The following SPAG9 variants were observed in gnomAD, a reference collection of about 807,000 sequenced individuals.
SPAG9 encodes C-Jun-amino-terminal kinase-interacting protein 4.
Under a neutral mutation model 166.5 loss-of-function variants are expected in SPAG9, and 35 were observed. The observed-to-expected ratio is 0.21, with a 90% CI of 0.16 to 0.28. The LOEUF is 0.28. Among genes scored for constraint, SPAG9 ranks in the 10% least tolerant of loss-of-function variants. The probability of loss-of-function intolerance (pLI) is 1.00; values close to 1 mark genes in which losing one functional copy is unlikely to be tolerated. For missense variants in SPAG9, 1,235 were observed against 1,603.3 expected (o/e 0.77, Z 3.92); for synonymous variants, 534 against 565.5 (o/e 0.94, Z 0.79).
In SPAG9 at chr17:51,120,668, G is replaced by A. The variant is rs1157811703; in HGVS notation, c.-12C>T. On this transcript the variant is annotated 5_prime_UTR_variant, in exon 1 of 30. Coordinates refer to ENST00000262013, the MANE Select transcript of SPAG9 (RefSeq NM_001130528.3). This position sits in a 1 kb window ranked among gnomAD's most constrained non-coding sequence, Gnocchi z 4.7. ...TCCTCCAGCTCCATGGTGGCAAGCG[G>A]ACGGGCGGGCGGCCCGGGGCGTCGC... is the stretch of plus-strand genomic sequence containing the variant. 10 of 1,566,648 alleles carry A rather than the reference G, an allele frequency of 6.4e-6. No homozygotes were observed. The highest frequency in any genetic ancestry group is 1.4e-5 in the African/African-American group (1 of 73,430).
At chr17:51,029,446 A>G (rs1211405653) in intron 6 of SPAG9, among the ~76,000 whole-genome samples, 4 of 152,222 alleles carry the variant, frequency 2.6e-5, no homozygotes, top group African/African-American at 4.8e-5. Flanking sequence ...ATCATCCAGC[A>G]ATCTCACTTC....
intron 4 of SPAG9, among the ~76,000 whole-genome samples, chr17:51,042,836 T>G (rs1362780924): frequency 6.6e-6 from 1 of 152,124 alleles, no homozygotes; most frequent in East Asian, 1.9e-4. Context: ...GAAATAAAAT[T>G]TAAAAACAGA....
chr17:51,005,982 AG>A (rs1320279976), intron 11 of SPAG9, 102 bp downstream of exon 11: 32 of 1,365,046 alleles, frequency 2.3e-5, no homozygotes, highest in Non-Finnish European at 3.1e-5. Context: ...TTGGCCTTCC[AG>A]GCTTGAGTGG....
At chr17:51,031,826 T>C in intron 5 of SPAG9, 104 bp from the exon 6 acceptor site, 2 of 824,132 alleles carry the variant, frequency 2.4e-6, no homozygotes, top group Non-Finnish European at 4.1e-6. Flanking sequence ...ACAAGATTCA[T>C]CTATTATCTA....
At position 50,998,629 on chromosome 17, in the gene SPAG9, C is replaced by T. The variant is rs1166418279; in HGVS notation, c.1665-12G>A. The T allele has an allele frequency of 1.2e-6, 2 of 1,613,322 alleles. No homozygotes were observed. ...AAAGTCGGCTGAAACTAAAAGAAGACAGTATGTCTGTGTGTCACATGTACT... is the reference window on the plus strand; with the variant it reads ...AAAGTCGGCTGAAACTAAAAGAAGATAGTATGTCTGTGTGTCACATGTACT... On this transcript the variant is annotated splice_polypyrimidine_tract_variant and intron_variant, in intron 14 of 29. Coordinates refer to ENST00000262013, the MANE Select transcript of SPAG9 (RefSeq NM_001130528.3).
chr17:51,040,701 T>C (rs1257971791), intron 5 of SPAG9, among the ~76,000 whole-genome samples: 5 of 152,298 alleles, frequency 3.3e-5, no homozygotes, highest in South Asian at 2.1e-4. Flanking sequence ...TTTAGAAGCA[T>C]TGTTAAGAGC....
At chr17:51,085,370 G>C (rs373255543) in intron 1 of SPAG9, 103 of 152,240 alleles carry the variant, frequency 6.8e-4, no homozygotes, top group African/African-American at 2.4e-3. Flanking sequence ...TTCAGAAGAT[G>C]GATACCACAG....
chr17:50,990,419 T>C, intron 20 of SPAG9, 31 bp downstream of exon 20: 4 of 1,481,978 alleles, frequency 2.7e-6, no homozygotes, highest in Non-Finnish European at 3.8e-6. Context: ...TTAGACTCTA[T>C]ACAGATGGCA....
rs1420200477 is a variant in SPAG9 at position 50,995,471 on chromosome 17, A to G, written c.2031T>C (p.Pro677=). The part of the protein sequence containing the change: ...KNLPVPVYLR[P]LDEKDTSMKL... The stretch of plus-strand genomic sequence containing the variant: ...TCATTGATGTATCTTTTTCATCCAG[A>G]GGTCTGAGATAGACAGGCACAGGTA... The change falls in exon 17 of 30, where the codon CCT becomes CCC. Residue 677 remains proline, a synonymous_variant. Coordinates refer to ENST00000262013, the MANE Select transcript of SPAG9 (RefSeq NM_001130528.3). 6.2e-6 allele frequency: 10 copies of G among 1,609,698 alleles called. No individual in the cohort carries two copies. The highest frequency in any genetic ancestry group is 8.5e-6 in the Non-Finnish European group (10 of 1,176,230).
At position 50,982,685 on chromosome 17, in the gene SPAG9, T is replaced by C. The variant is rs528094328; in HGVS notation, c.3089-13A>G. The C allele has an allele frequency of 6.3e-7, 1 of 1,596,336 alleles. No homozygotes were observed. Among genetic ancestry groups the C allele is most frequent in the Non-Finnish European group, 8.5e-7 (1 of 1,174,006 alleles). ...TCCCACTGCCCATCTTTAAAAAAAA[T>C]AAAAGGTTATAGTAAATACATACCA... On this transcript the variant is annotated splice_polypyrimidine_tract_variant and intron_variant, in intron 24 of 29. Transcript: ENST00000262013.
Position 50,995,499 on chromosome 17 carries a change from T to C in SPAG9, c.2003A>G (p.Asn668Ser). The C allele has an allele frequency of 6.2e-7, 1 of 1,611,724 alleles. No individual in the cohort carries two copies. Among genetic ancestry groups the C allele is most frequent in the South Asian group, 1.1e-5 (1 of 90,996 alleles). The change falls in exon 17 of 30, where the codon AAT (asparagine) becomes AGT (serine). Residue 668 changes from asparagine (N) to serine (S), a missense_variant. This residue lies in a region of SPAG9 where 493 missense variants were observed against 559.4 expected (regional missense o/e 0.88). Transcript: ENST00000262013. ...TNGQGENKMK[N>S]LPVPVYLRPL... is the part of the protein sequence containing the mutation. ...TCTGAGATAGACAGGCACAGGTAAA[T>C]TTTTCATCTTATTTTCACCTTGACC...
intron 1 of SPAG9, among the ~76,000 whole-genome samples, chr17:51,111,955 C>T (rs1347208546): frequency 3.3e-5 from 5 of 151,896 alleles, no homozygotes; most frequent in Non-Finnish European, 5.9e-5. Flanking sequence ...ACAGCAGGGA[C>T]ACATAATGGT....
chr17:51,058,265 A>G (rs1275897400), intron 2 of SPAG9, among the ~76,000 whole-genome samples: 1 of 152,240 alleles, frequency 6.6e-6, no homozygotes, highest in African/African-American at 2.4e-5. Context: ...CACTACTAAT[A>G]GCAGCCAACA....
At chr17:51,039,640 C>G (rs572271369) in intron 5 of SPAG9, among the ~76,000 whole-genome samples, 78 of 152,168 alleles carry the variant, frequency 5.1e-4, no homozygotes, top group Non-Finnish European at 9.1e-4. Flanking sequence ...AGAAACTCCT[C>G]TGCTTAAGTC....
At chr17:50,998,022 ATTTTTTTTTTTTTT>A (rs563896612) in intron 15 of SPAG9, among the ~76,000 whole-genome samples, 13 of 90,760 alleles carry the variant, frequency 1.4e-4, no homozygotes, top group African/African-American at 2.1e-4. Flanking sequence ...TACAGAAATG[ATTTTTTTTTTTTTT>A]TTTTTTTTTT....
At chr17:50,990,765 G>A in intron 19 of SPAG9, 97 bp from the exon 20 acceptor site, 1 of 912,916 alleles carries the variant, frequency 1.1e-6, no homozygotes, top group Non-Finnish European at 1.7e-6. Flanking sequence ...AGTTATGCAG[G>A]TGAGATGTAC....
chr17:51,017,672 C>T (rs1261387908), intron 8 of SPAG9, among the ~76,000 whole-genome samples: 1 of 152,106 alleles, frequency 6.6e-6, no homozygotes, highest in Non-Finnish European at 1.5e-5. Context: ...AGATCTACCT[C>T]ATAAGGTTGT....
chr17:51,071,061 T>C (rs1369051826), intron 2 of SPAG9, among the ~76,000 whole-genome samples: 2 of 152,110 alleles, frequency 1.3e-5, no homozygotes, highest in Non-Finnish European at 2.9e-5. Flanking sequence ...ACGCATAATC[T>C]TCCCCTTCCT....
At chr17:50,993,317 A>G (rs1339810325) in intron 19 of SPAG9, among the ~76,000 whole-genome samples, 8 of 50,730 alleles carry the variant, frequency 1.6e-4, no homozygotes, top group African/African-American at 7.3e-4. Flanking sequence ...CTCTGTCTCA[A>G]AAAAAAAAAA....
Sources: gnomAD v4.1 joint callset for allele counts (sites outside exome capture counted in the v4.1 genomes callset) on GRCh38, gnomAD v4.1.1 for gene constraint, gnomAD v4.1.1 regional missense constraint, Gnocchi (gnomAD v3.1) non-coding constraint, MANE v1.5 for transcripts, NCBI Gene and HGNC (gene_info 2026-07-23, HGNC 2026-07-21) for gene names.